UNC5C: variants seen among roughly 807,000 people sequenced by gnomAD.
The protein encoded by UNC5C is unc-5 netrin receptor C, also known as netrin receptor UNC5C.
A neutral mutation model predicts 99.8 loss-of-function variants in UNC5C; 47 were observed. That is an observed-to-expected ratio of 0.47 (90% CI 0.37 to 0.60). UNC5C has a LOEUF of 0.60. Ranked by LOEUF, UNC5C falls within the 20% of genes least tolerant of loss-of-function variation. UNC5C has a pLI of 0.00. For synonymous variants in UNC5C, 487 were observed against 452.2 expected, an observed-to-expected ratio of 1.08 and a Z score of -0.98; for missense variants, 1,062 against 1,165.9, an observed-to-expected ratio of 0.91 and a Z score of 1.30.
At chr4:95,539,203 A>T (rs929556641) in intron 1 of UNC5C, among the ~76,000 whole-genome samples, 1 of 152,202 alleles carries the variant, frequency 6.6e-6, no homozygotes, top group African/African-American at 2.4e-5. Flanking sequence ...CGTGCACTGC[A>T]TGCATAAAAG....
chr4:95,219,459 G>A (rs1579241439), intron 8 of UNC5C, 146 bp from the exon 9 acceptor site: 4 of 726,316 alleles, frequency 5.5e-6, no homozygotes, highest in Non-Finnish European at 9.0e-6. Flanking sequence ...ACTGAAAACA[G>A]GGCAATCAGA....
chr4:95,491,060 A>G (rs1578192576), intron 1 of UNC5C, among the ~76,000 whole-genome samples: 1 of 151,560 alleles, frequency 6.6e-6, no homozygotes. Flanking sequence ...GGAAGGTGGT[A>G]GCAGAAAAGT....
chr4:95,506,673 T>C (rs904942703), intron 1 of UNC5C, among the ~76,000 whole-genome samples: 12 of 151,716 alleles, frequency 7.9e-5, no homozygotes, highest in African/African-American at 2.4e-4. Context: ...CTGGGAAAAA[T>C]TAATCAGTAA....
intron 1 of UNC5C, among the ~76,000 whole-genome samples, chr4:95,425,159 T>A (rs756112329): frequency 6.6e-6 from 1 of 152,210 alleles, no homozygotes; most frequent in Non-Finnish European, 1.5e-5. Context: ...GCGTTTGAGA[T>A]CACCAAATAC....
intron 2 of UNC5C, among the ~76,000 whole-genome samples, chr4:95,328,040 C>CTTTTTTTTTTTTTTTTTTTTTTTTT (rs34794058): frequency 1.4e-4 from 12 of 87,070 alleles, no homozygotes; most frequent in Admixed American, 3.1e-4. Context: ...CAGGCAACTT[C>CTTTTTTTTTTTTTTTTTTTTTTTTT]TTTTTTTTTT....
chr4:95,282,199 C>T (rs533767613), intron 3 of UNC5C, among the ~76,000 whole-genome samples: 11 of 152,142 alleles, frequency 7.2e-5, no homozygotes, highest in East Asian at 1.9e-4. Flanking sequence ...GTGAACAAAG[C>T]GGTAGGAGAA....
At chr4:95,188,425 C>A (rs1274693027) in intron 12 of UNC5C, among the ~76,000 whole-genome samples, 1 of 152,210 alleles carries the variant, frequency 6.6e-6, no homozygotes, top group Admixed American at 6.5e-5. Flanking sequence ...TAATCTAAAA[C>A]CACACAGGAA....
At chr4:95,214,385 T>A (rs1391489229) in intron 10 of UNC5C, among the ~76,000 whole-genome samples, 1 of 152,246 alleles carries the variant, frequency 6.6e-6, no homozygotes, top group Non-Finnish European at 1.5e-5. Context: ...GCACCTAACT[T>A]CAGATGGTAG....
intron 7 of UNC5C, among the ~76,000 whole-genome samples, chr4:95,240,690 C>T (rs956847570): frequency 2.0e-5 from 3 of 152,218 alleles, no homozygotes; most frequent in Admixed American, 2.0e-4. Flanking sequence ...TTCCTCTTCC[C>T]TGTCAATAGA....
rs1578162194 is a variant in UNC5C at position 95,436,042 on chromosome 4, A to G, written c.125-100411T>C. On this transcript the variant is annotated intron_variant, in intron 1 of 15. Transcript: ENST00000453304. The stretch of plus-strand genomic sequence containing the variant: ...GTTGTTATTTATGTGATTTTTATGA[A>G]GCTTTTCTCCACAATTTAAAAGTGT... Among the ~76,000 whole-genome samples the G allele has an allele frequency of 2.0e-5, 3 of 152,004 alleles. No homozygotes were observed. In the South Asian group the frequency reaches 6.2e-4, roughly 31 times the overall value.
chr4:95,221,295 G>T (rs982193517), intron 7 of UNC5C, among the ~76,000 whole-genome samples: 4 of 152,166 alleles, frequency 2.6e-5, no homozygotes, highest in Non-Finnish European at 5.9e-5. Flanking sequence ...AGGTAGTCGA[G>T]AACAACCTAG....
intron 2 of UNC5C, among the ~76,000 whole-genome samples, chr4:95,330,037 A>G (rs1358382089): frequency 6.6e-6 from 1 of 152,114 alleles, no homozygotes; most frequent in Non-Finnish European, 1.5e-5. Flanking sequence ...ATCTTGTTAT[A>G]TCAATTCATG....
chr4:95,391,780 C>T (rs1047155258), intron 1 of UNC5C, among the ~76,000 whole-genome samples: 9 of 123,490 alleles, frequency 7.3e-5, no homozygotes, highest in African/African-American at 2.7e-4. Context: ...AAAAAAAAGG[C>T]ACTTTTAAAG....
At chr4:95,528,812 G>A (rs1455879559) in intron 1 of UNC5C, among the ~76,000 whole-genome samples, 1 of 152,122 alleles carries the variant, frequency 6.6e-6, no homozygotes, top group East Asian at 1.9e-4. Context: ...GTTGAAAGGT[G>A]AAGAAAATGG....
At chr4:95,175,100 G>T (rs1227931301) in intron 14 of UNC5C, among the ~76,000 whole-genome samples, 1 of 149,776 alleles carries the variant, frequency 6.7e-6, no homozygotes, top group South Asian at 2.1e-4. Flanking sequence ...TGCTTGGTAG[G>T]TCTTCCTCCA....
chr4:95,386,747 G>A (rs191291103), intron 1 of UNC5C, among the ~76,000 whole-genome samples: 1,524 of 152,232 alleles, frequency 0.01, 17 homozygotes, highest in Middle Eastern at 0.017. Context: ...CACCTTTGCT[G>A]GGAAGAACGA....
intron 7 of UNC5C, among the ~76,000 whole-genome samples, chr4:95,232,678 G>A (rs1738956832): frequency 6.6e-6 from 1 of 152,072 alleles, no homozygotes; most frequent in Admixed American, 6.5e-5. Context: ...GTGTTCATTA[G>A]GCTTCTGTAG....
At chr4:95,400,352 C>T (rs1745651203) in intron 1 of UNC5C, among the ~76,000 whole-genome samples, 1 of 150,388 alleles carries the variant, frequency 6.6e-6, no homozygotes, top group Non-Finnish European at 1.5e-5. Context: ...GAAAATGTGG[C>T]CCGTAGTTCC....
intron 1 of UNC5C, among the ~76,000 whole-genome samples, chr4:95,375,311 A>G (rs752773799): frequency 6.6e-6 from 1 of 152,162 alleles, no homozygotes; most frequent in Non-Finnish European, 1.5e-5. Context: ...GAAGAAACCA[A>G]TATCAAAGTA....
Sources: gnomAD v4.1 joint callset for allele counts (sites outside exome capture counted in the v4.1 genomes callset) on GRCh38, gnomAD v4.1.1 for gene constraint, MANE v1.5 for transcripts, NCBI Gene and HGNC (gene_info 2026-07-23, HGNC 2026-07-21) for gene names.